The following SGCD variants were observed in gnomAD, a reference collection of about 807,000 sequenced individuals.
SGCD encodes sarcoglycan delta.
Under a neutral mutation model 36.6 loss-of-function variants are expected in SGCD, and 18 were observed. The ratio of observed to expected loss-of-function variants is 0.49; its 90% confidence interval spans 0.34 to 0.73. The LOEUF is 0.73. Among genes scored for constraint, SGCD ranks in the 30% least tolerant of loss-of-function variants. The pLI is 0.01. For missense variants in SGCD, 387 were observed against 346.7 expected (o/e 1.12, Z -0.92); for synonymous variants, 133 against 130.6 (o/e 1.02, Z -0.12).
rs1048208132 is a variant in SGCD at position 156,341,555 on chromosome 5, A to G, written c.4-2934A>G. On this transcript the variant is annotated intron_variant, in intron 2 of 8. Coordinates refer to ENST00000337851, the MANE Select transcript of SGCD (RefSeq NM_000337.6). ...TTCAGTTTCTTTTGTGTTTCGGTGC[A>G]TAATTAGGGTTGAGTGGCATTATTC... is the stretch of plus-strand genomic sequence containing the variant. Among the ~76,000 whole-genome samples, 72 of 152,260 alleles carry G rather than the reference A, an allele frequency of 4.7e-4. 2 individuals are homozygous for G. The highest frequency in any genetic ancestry group is 2.1e-4 in the South Asian group (1 of 4,832).
At chr5:156,084,665 T>C (rs573161444) in intron 1 of SGCD, among the ~76,000 whole-genome samples, 1 of 152,370 alleles carries the variant, frequency 6.6e-6, no homozygotes, top group South Asian at 2.1e-4. Context: ...TATCTCTTTC[T>C]CTTCGTTATG....
At chr5:156,219,676 C>T (rs1030557871) in intron 3 of SGCD, among the ~76,000 whole-genome samples, 2 of 152,248 alleles carry the variant, frequency 1.3e-5, no homozygotes, top group Admixed American at 6.5e-5. Flanking sequence ...AAAGCCTTAG[C>T]GCTTAGTGCT....
chr5:156,242,391 T>C (rs1412810526), intron 3 of SGCD, among the ~76,000 whole-genome samples: 1 of 152,184 alleles, frequency 6.6e-6, no homozygotes, highest in African/African-American at 2.4e-5. Flanking sequence ...CTGGTAGTCA[T>C]GGGACTGTTC....
intron 7 of SGCD, among the ~76,000 whole-genome samples, chr5:156,675,557 C>T (rs1753474649): frequency 6.6e-6 from 1 of 152,108 alleles, no homozygotes; most frequent in Non-Finnish European, 1.5e-5. Context: ...GTTCTCATAG[C>T]AAAGGTATTT....
At chr5:156,722,975 G>C (rs886919553) in intron 7 of SGCD, among the ~76,000 whole-genome samples, 1 of 152,142 alleles carries the variant, frequency 6.6e-6, no homozygotes, top group Non-Finnish European at 1.5e-5. Context: ...TAGGGTAAAA[G>C]CTTTTTGTAT....
chr5:156,758,540 G>A (rs997242626), intron 8 of SGCD, among the ~76,000 whole-genome samples: 2 of 152,028 alleles, frequency 1.3e-5, no homozygotes, highest in Admixed American at 1.3e-4. Flanking sequence ...AGAAGAGATA[G>A]TCAGAACATT....
At chr5:155,927,534 G>A (rs984377360) in intron 1 of SGCD, among the ~76,000 whole-genome samples, 15 of 152,170 alleles carry the variant, frequency 9.9e-5, no homozygotes, top group Admixed American at 7.9e-4. Flanking sequence ...TAGATTGCAT[G>A]CTATCGAAAA....
At chr5:156,220,795 C>T (rs753659132) in intron 3 of SGCD, among the ~76,000 whole-genome samples, 5 of 152,124 alleles carry the variant, frequency 3.3e-5, no homozygotes, top group Non-Finnish European at 7.4e-5. Context: ...AAATCTCAGC[C>T]CACAAACTCA....
At chr5:156,123,360 A>G (rs555710489) in intron 2 of SGCD, among the ~76,000 whole-genome samples, 39 of 152,210 alleles carry the variant, frequency 2.6e-4, no homozygotes, top group Admixed American at 1.1e-3. Context: ...GATGCAATAG[A>G]GGTAGCCAAG....
intron 6 of SGCD, among the ~76,000 whole-genome samples, chr5:156,620,732 A>G (rs1400044862): frequency 2.6e-5 from 4 of 152,180 alleles, no homozygotes; most frequent in Non-Finnish European, 5.9e-5. Flanking sequence ...TCCAGCAAAT[A>G]AGCACATTTG....
chr5:156,350,473 TG>T (rs1480676284), intron 3 of SGCD, among the ~76,000 whole-genome samples: 1 of 151,954 alleles, frequency 6.6e-6, no homozygotes, highest in African/African-American at 2.4e-5. Flanking sequence ...TTACTTTTTT[TG>T]TCAGTCTTGC....
chr5:156,248,090 A>G (rs1206178519), intron 3 of SGCD, among the ~76,000 whole-genome samples: 1 of 152,214 alleles, frequency 6.6e-6, no homozygotes, highest in Non-Finnish European at 1.5e-5. Flanking sequence ...TAAGAGTTAC[A>G]TAGAATAAAG....
intron 6 of SGCD, among the ~76,000 whole-genome samples, chr5:156,618,197 T>G (rs190421915): frequency 6.6e-6 from 1 of 152,278 alleles, no homozygotes; most frequent in Admixed American, 6.5e-5. Context: ...GCCTGGGAAA[T>G]GAGAGCCTAC....
chr5:156,056,645 T>TAAAAAAAAAAAAAAAAAAAAAAACAAAAA (rs561328077), intron 1 of SGCD, among the ~76,000 whole-genome samples: 1 of 68,264 alleles, frequency 1.5e-5, no homozygotes, highest in African/African-American at 7.1e-5. Flanking sequence ...AAATTATCCT[T>TAAAAAAAAAAAAAAAAAAAAAAACAAAAA]AAAAAAAAAA....
chr5:155,887,855 G>T (rs1475342597), intron 1 of SGCD, among the ~76,000 whole-genome samples: 1 of 152,130 alleles, frequency 6.6e-6, no homozygotes, highest in Non-Finnish European at 1.5e-5. Flanking sequence ...GCTAACATTT[G>T]TTGAGCATTC....
At chr5:156,719,434 A>C (rs1314241253) in intron 7 of SGCD, among the ~76,000 whole-genome samples, 1 of 152,086 alleles carries the variant, frequency 6.6e-6, no homozygotes, top group African/African-American at 2.4e-5. Context: ...ATCTAGAATA[A>C]TGTTTGACCA....
At chr5:156,573,676 G>A (rs10052818) in intron 4 of SGCD, among the ~76,000 whole-genome samples, 41,576 of 151,850 alleles carry the variant, frequency 0.27, 5,880 homozygotes, top group Non-Finnish European at 0.31. Flanking sequence ...TCTATGAAGG[G>A]ATCTCTTCTT....
At chr5:156,212,692 AAT>A (rs1205289435) in intron 3 of SGCD, among the ~76,000 whole-genome samples, 1 of 152,150 alleles carries the variant, frequency 6.6e-6, no homozygotes, top group African/African-American at 2.4e-5. Flanking sequence ...GTCAGAGCAG[AAT>A]ACACATTCTT....
At chr5:156,710,790 A>T (rs1332298361) in intron 7 of SGCD, among the ~76,000 whole-genome samples, 1 of 152,222 alleles carries the variant, frequency 6.6e-6, no homozygotes, top group Non-Finnish European at 1.5e-5. Flanking sequence ...TAGAGGCAAT[A>T]GATGGCAAAT....
Sources: gnomAD v4.1 joint callset for allele counts (sites outside exome capture counted in the v4.1 genomes callset) on GRCh38, gnomAD v4.1.1 for gene constraint, MANE v1.5 for transcripts, NCBI Gene and HGNC (gene_info 2026-07-23, HGNC 2026-07-21) for gene names.